EFCAB11: variants seen among roughly 807,000 people sequenced by gnomAD.
EFCAB11 encodes the protein EF-hand calcium binding domain 11.
EFCAB11 carries 14 observed loss-of-function variants against 23.0 expected under a neutral mutation model. The ratio of observed to expected loss-of-function variants is 0.61; its 90% CI spans 0.40 to 0.95. The LOEUF is 0.95. EFCAB11 is among the 40% of genes least tolerant of loss of function. The pLI is 0.00. For synonymous variants in EFCAB11, 65 were observed against 66.6 expected (o/e 0.98, Z 0.11); for missense variants, 198 against 195.8 (o/e 1.01, Z -0.07).
intron 5 of EFCAB11, among the ~76,000 whole-genome samples, chr14:89,925,648 C>CTTTTTTTTTTTTT (rs397758240): frequency 7.4e-6 from 1 of 134,708 alleles, no homozygotes; most frequent in African/African-American, 2.8e-5. Flanking sequence ...ATGTTTCTTT[C>CTTTTTTTTTTTTT]TTTTTTTTTT....
At chr14:89,888,034 T>C (rs971537401) in intron 5 of EFCAB11, among the ~76,000 whole-genome samples, 5 of 152,186 alleles carry the variant, frequency 3.3e-5, no homozygotes, top group Admixed American at 1.3e-4. Flanking sequence ...CTTAAGTCAC[T>C]GTTCAACATA....
chr14:89,818,430 G>A (rs1209784684), intron 5 of EFCAB11, among the ~76,000 whole-genome samples: 2 of 151,892 alleles, frequency 1.3e-5, no homozygotes, highest in Non-Finnish European at 2.9e-5. Context: ...AGAAGCAAGA[G>A]GGAAAGAGGA....
At chr14:89,816,907 A>T (rs1040820732) in intron 5 of EFCAB11, among the ~76,000 whole-genome samples, 2 of 152,138 alleles carry the variant, frequency 1.3e-5, no homozygotes, top group East Asian at 1.9e-4. Context: ...AACAACTATC[A>T]AACTTTTTGT....
intron 3 of EFCAB11, among the ~76,000 whole-genome samples, chr14:89,941,438 G>A (rs1445265569): frequency 6.6e-6 from 1 of 152,088 alleles, no homozygotes; most frequent in South Asian, 2.1e-4. Flanking sequence ...TCAAAGGAAG[G>A]GCTCATCAAT....
chr14:89,834,628 A>G (rs558529206), intron 5 of EFCAB11, among the ~76,000 whole-genome samples: 18 of 152,188 alleles, frequency 1.2e-4, no homozygotes, highest in Non-Finnish European at 2.4e-4. Context: ...TCTCAGGGCA[A>G]AGAGCATGCT....
intron 5 of EFCAB11, among the ~76,000 whole-genome samples, chr14:89,819,327 C>T (rs1458005758): frequency 6.7e-6 from 1 of 148,964 alleles, no homozygotes; most frequent in Non-Finnish European, 1.5e-5. Flanking sequence ...GAAAGCTGTT[C>T]AGTGGTTATC....
intron 5 of EFCAB11, among the ~76,000 whole-genome samples, chr14:89,808,428 T>C (rs1020814468): frequency 6.6e-6 from 1 of 152,176 alleles, no homozygotes; most frequent in African/African-American, 2.4e-5. Context: ...TTTTTTCCAT[T>C]AAATGAGAGT....
At position 89,948,562 on chromosome 14, in the gene EFCAB11, A is replaced by T. The variant is rs374731489; in HGVS notation, c.217+1535T>A. Reference sequence around the variant, plus strand: ...TACTGTTTGTTGCAGCATTGTTCACAATAGGCAAGATTTGGAAGAAGACTC... The same window carrying T: ...TACTGTTTGTTGCAGCATTGTTCACTATAGGCAAGATTTGGAAGAAGACTC... On this transcript the variant is annotated intron_variant, in intron 3 of 5. Transcript: ENST00000316738. Among the ~76,000 whole-genome samples the T allele has an allele frequency of 9.2e-5, 14 of 152,362 alleles. No homozygotes were observed. The East Asian group carries it at 1.9e-3, about 21-fold the overall frequency.
intron 5 of EFCAB11, among the ~76,000 whole-genome samples, chr14:89,831,982 T>G (rs928401338): frequency 2.0e-5 from 3 of 151,736 alleles, no homozygotes; most frequent in Non-Finnish European, 4.4e-5. Context: ...GAAAGGGGAA[T>G]GGCAGGCAAG....
At chr14:89,951,704 T>C (rs1385009872) in intron 2 of EFCAB11, among the ~76,000 whole-genome samples, 5 of 150,734 alleles carry the variant, frequency 3.3e-5, no homozygotes, top group Admixed American at 2.0e-4. Context: ...GGTCAGGAGT[T>C]GGAGACCAGA....
intron 5 of EFCAB11, among the ~76,000 whole-genome samples, chr14:89,841,429 A>G (rs78648911): frequency 8.3e-6 from 1 of 120,274 alleles, no homozygotes; most frequent in East Asian, 2.3e-4. Flanking sequence ...CCTCCCCCTC[A>G]ACTACTCTCT....
intron 5 of EFCAB11, among the ~76,000 whole-genome samples, chr14:89,859,408 C>A (rs1303019250): frequency 6.6e-6 from 1 of 152,198 alleles, no homozygotes; most frequent in African/African-American, 2.4e-5. Context: ...CCATAGTCTG[C>A]CTCCTCAAGG....
At chr14:89,921,661 T>G (rs1391379777) in intron 5 of EFCAB11, among the ~76,000 whole-genome samples, 1 of 151,906 alleles carries the variant, frequency 6.6e-6, no homozygotes, top group African/African-American at 2.4e-5. Flanking sequence ...AACGATGGGG[T>G]AGGAGGTAGG....
At chr14:89,911,574 T>C (rs2140216334) in intron 5 of EFCAB11, among the ~76,000 whole-genome samples, 1 of 152,336 alleles carries the variant, frequency 6.6e-6, no homozygotes, top group South Asian at 2.1e-4. Flanking sequence ...CCTTCTCTTC[T>C]CAATTTGCAG....
intron 5 of EFCAB11, among the ~76,000 whole-genome samples, chr14:89,868,867 T>A (rs1002990967): frequency 6.6e-6 from 1 of 152,202 alleles, no homozygotes. Context: ...CAAAATACTA[T>A]GCAAACCTGC....
intron 2 of EFCAB11, among the ~76,000 whole-genome samples, chr14:89,951,074 A>G (rs895497566): frequency 4.0e-5 from 6 of 151,514 alleles, no homozygotes; most frequent in Non-Finnish European, 8.9e-5. Context: ...TCAGATTGCT[A>G]CATCTCAGGG....
At chr14:89,823,113 G>C (rs1886578870) in intron 5 of EFCAB11, among the ~76,000 whole-genome samples, 1 of 152,116 alleles carries the variant, frequency 6.6e-6, no homozygotes, top group Non-Finnish European at 1.5e-5. Flanking sequence ...AAACCTGTGA[G>C]CACAGAACTT....
chr14:89,954,127 T>C (rs1376997398), intron 1 of EFCAB11, 126 bp from the exon 2 acceptor site: 9 of 912,574 alleles, frequency 9.9e-6, no homozygotes, highest in Non-Finnish European at 1.5e-5. Flanking sequence ...AAAATAGAAT[T>C]TCATTATCCC....
chr14:89,825,739 CG>C (rs1303534948), intron 5 of EFCAB11, among the ~76,000 whole-genome samples: 1 of 150,112 alleles, frequency 6.7e-6, no homozygotes, highest in Non-Finnish European at 1.5e-5. Context: ...TTTTATTTCT[CG>C]AAAAAAAAAG....
Sources: allele counts gnomAD v4.1 joint callset (sites outside exome capture counted in the v4.1 genomes callset), GRCh38; gene constraint gnomAD v4.1.1; transcripts MANE v1.5; gene names NCBI Gene and HGNC (gene_info 2026-07-23, HGNC 2026-07-21).